Variants in CRYZL1 observed in about 807,000 individuals in gnomAD.
The protein encoded by CRYZL1 is crystallin zeta like 1.
CRYZL1 carries 34 observed loss-of-function variants against 50.6 expected under a neutral mutation model. The observed-to-expected ratio is 0.67, with a 90% CI of 0.51 to 0.89. The LOEUF (loss-of-function observed/expected upper bound fraction) is 0.89. Ranked by LOEUF, CRYZL1 falls within the 40% of genes least tolerant of loss-of-function variation. The pLI, the probability that CRYZL1 is intolerant of heterozygous loss-of-function variation, is 0.00. For synonymous variants in CRYZL1, 125 were observed against 134.3 expected (o/e 0.93, Z 0.48); for missense variants, 354 against 402.3 (o/e 0.88, Z 1.03).
chr21:33,607,410 G>A (rs1046041369), intron 6 of CRYZL1, among the ~76,000 whole-genome samples: 8 of 151,886 alleles, frequency 5.3e-5, no homozygotes, highest in South Asian at 2.1e-4. Context: ...AGGCCAAGGC[G>A]GGAAGATCAC....
chr21:33,616,233 C>G (rs1601339484), intron 5 of CRYZL1: 1 of 154,538 alleles, frequency 6.5e-6, no homozygotes, highest in African/African-American at 2.4e-5. Context: ...ATCAAGGTCC[C>G]AATTTTTATC....
At chr21:33,600,830 T>C (rs149197680) in intron 8 of CRYZL1, among the ~76,000 whole-genome samples, 152 of 151,032 alleles carry the variant, frequency 1.0e-3, no homozygotes, top group Middle Eastern at 6.8e-3. Flanking sequence ...GGTTTCACCA[T>C]GTTAGCCAGT....
At chr21:33,618,058 G>A (rs976013314) in intron 4 of CRYZL1, among the ~76,000 whole-genome samples, 1 of 152,138 alleles carries the variant, frequency 6.6e-6, no homozygotes, top group Admixed American at 6.5e-5. Flanking sequence ...GGGAGGCCGA[G>A]GCGGGTGGAT....
chr21:33,598,088 A>G lies in CRYZL1; in HGVS notation c.677-687T>C, dbSNP rs536085033. Reference sequence around the variant, plus strand: ...ATTATAGAAATAAATAAAGATAAAAAGTCTATCTTCATTTGAAAACCAGGC... The same window carrying G: ...ATTATAGAAATAAATAAAGATAAAAGGTCTATCTTCATTTGAAAACCAGGC... On this transcript the variant is annotated intron_variant, in intron 9 of 12. Transcript: ENST00000381554. Among the ~76,000 whole-genome samples the G allele has an allele frequency of 1.1e-3, 175 of 152,352 alleles. 1 individual carries two copies. The highest frequency in any genetic ancestry group is 4.0e-3 in the African/African-American group (165 of 41,582).
chr21:33,641,273 AAAACAGC>A, intron 1 of CRYZL1: 1 of 1,550,444 alleles, frequency 6.4e-7, no homozygotes, highest in Non-Finnish European at 8.7e-7. Flanking sequence ...CTGCTTTCCG[AAAACAGC>A]AAAGTGATGA....
intron 11 of CRYZL1, among the ~76,000 whole-genome samples, chr21:33,593,039 G>A (rs1408561011): frequency 6.7e-6 from 1 of 148,828 alleles, no homozygotes; most frequent in Non-Finnish European, 1.5e-5. Flanking sequence ...GTGACAGAGC[G>A]AGACTCTATC....
At chr21:33,595,896 G>T in intron 10 of CRYZL1, 60 bp from the exon 11 acceptor site, 1 of 1,118,468 alleles carries the variant, frequency 8.9e-7, no homozygotes, top group Non-Finnish European at 1.4e-6. Context: ...AGGATGACTG[G>T]TATCTCGAGT....
intron 4 of CRYZL1, among the ~76,000 whole-genome samples, chr21:33,618,206 G>A (rs1215306498): frequency 3.4e-5 from 5 of 149,004 alleles, no homozygotes; most frequent in Non-Finnish European, 5.9e-5. Context: ...GGAGGATAGC[G>A]TGAACCTGGG....
At chr21:33,634,354 A>G (rs558236379) in intron 1 of CRYZL1, among the ~76,000 whole-genome samples, 1 of 152,232 alleles carries the variant, frequency 6.6e-6, no homozygotes, top group South Asian at 2.1e-4. Flanking sequence ...ATGACTTTAC[A>G]TCATATGGTT....
chr21:33,611,805 C>A (rs144847515), intron 6 of CRYZL1, among the ~76,000 whole-genome samples: 17 of 152,330 alleles, frequency 1.1e-4, no homozygotes, highest in East Asian at 5.8e-4. Context: ...TTCCACCCAA[C>A]TTTCCATCCT....
chr21:33,611,250 C>T (rs1351927606), intron 6 of CRYZL1, among the ~76,000 whole-genome samples: 1 of 152,166 alleles, frequency 6.6e-6, no homozygotes, highest in Non-Finnish European at 1.5e-5. Context: ...GGATTAGAGA[C>T]TCTCACTGCG....
intron 4 of CRYZL1, among the ~76,000 whole-genome samples, chr21:33,618,691 T>C (rs2086963061): frequency 6.6e-6 from 1 of 152,144 alleles, no homozygotes; most frequent in Non-Finnish European, 1.5e-5. Context: ...CTTTTGGAGT[T>C]TGCTTCTTCT....
At chr21:33,600,875 C>T (rs2086744741) in intron 8 of CRYZL1, among the ~76,000 whole-genome samples, 1 of 150,624 alleles carries the variant, frequency 6.6e-6, no homozygotes, top group Non-Finnish European at 1.5e-5. Flanking sequence ...GATCTGCCCG[C>T]CTTGGCCTCC....
chr21:33,640,642 G>A (rs1568803857), intron 1 of CRYZL1, among the ~76,000 whole-genome samples: 1 of 152,148 alleles, frequency 6.6e-6, no homozygotes, highest in African/African-American at 2.4e-5. Context: ...AATCTCTAAA[G>A]TAGTTCTGAA....
At chr21:33,598,244 G>GA (rs2086715620) in intron 9 of CRYZL1, among the ~76,000 whole-genome samples, 1 of 152,078 alleles carries the variant, frequency 6.6e-6, no homozygotes, top group African/African-American at 2.4e-5. Context: ...ATGTCCATGT[G>GA]AAAAAATGAT....
At chr21:33,629,721 C>A (rs1468158971) in intron 2 of CRYZL1, among the ~76,000 whole-genome samples, 1 of 152,184 alleles carries the variant, frequency 6.6e-6, no homozygotes, top group East Asian at 1.9e-4. Flanking sequence ...AATGCTCTTT[C>A]TTTCTTTCTC....
chr21:33,604,636 G>A (rs1308446538), intron 6 of CRYZL1, among the ~76,000 whole-genome samples: 1 of 151,774 alleles, frequency 6.6e-6, no homozygotes, highest in Non-Finnish European at 1.5e-5. Context: ...TCCATATTAT[G>A]TTTTTAAGGC....
intron 2 of CRYZL1, among the ~76,000 whole-genome samples, chr21:33,628,677 C>A (rs2087099481): frequency 6.7e-6 from 1 of 150,274 alleles, no homozygotes; most frequent in African/African-American, 2.5e-5. Flanking sequence ...TCACGGCTCA[C>A]TGCAGCCTTG....
chr21:33,617,484 G>A (rs1036547157), intron 4 of CRYZL1, among the ~76,000 whole-genome samples: 3 of 152,090 alleles, frequency 2.0e-5, no homozygotes, highest in East Asian at 1.9e-4. Context: ...AGGACAAGCC[G>A]CAGACAAAAC....
Sources: gnomAD v4.1 joint callset for allele counts (sites outside exome capture counted in the v4.1 genomes callset) on GRCh38, gnomAD v4.1.1 for gene constraint, MANE v1.5 for transcripts, NCBI Gene and HGNC (gene_info 2026-07-23, HGNC 2026-07-21) for gene names.